ADARB2: variants seen among roughly 807,000 people sequenced by gnomAD.
ADARB2 encodes inactive double-stranded RNA-specific editase B2.
Under a neutral mutation model 62.2 loss-of-function variants are expected in ADARB2, and 25 were observed. The ratio of observed to expected loss-of-function variants is 0.40; its 90% CI spans 0.29 to 0.56. The LOEUF (loss-of-function observed/expected upper bound fraction) is 0.56, where lower values mean the gene tolerates loss of function less well. ADARB2 is among the 20% of genes least tolerant of loss of function. The pLI, the probability that ADARB2 is intolerant of heterozygous loss-of-function variation, is 0.43. For missense variants in ADARB2, 1,071 were observed against 1,077.4 expected, an observed-to-expected ratio of 0.99 and a Z score of 0.08; for synonymous variants, 572 against 500.8, an observed-to-expected ratio of 1.14 and a Z score of -1.90.
intron 1 of ADARB2, among the ~76,000 whole-genome samples, chr10:1,531,753 C>T (rs1832243739): frequency 6.6e-6 from 1 of 152,156 alleles, no homozygotes; most frequent in Non-Finnish European, 1.5e-5. Context: ...AGGAGAATCA[C>T]TTGAACCCCG....
intron 8 of ADARB2, among the ~76,000 whole-genome samples, chr10:1,185,634 C>A (rs1296446400): frequency 2.0e-5 from 3 of 152,184 alleles, no homozygotes; most frequent in Admixed American, 6.5e-5. Context: ...GCCTTTTGTT[C>A]GAAAGTTACG....
At chr10:1,480,475 G>C (rs1831453004) in intron 1 of ADARB2, among the ~76,000 whole-genome samples, 2 of 152,150 alleles carry the variant, frequency 1.3e-5, no homozygotes, top group Admixed American at 6.5e-5. Context: ...AAGGCGGGCG[G>C]GTCACTAGGT....
intron 3 of ADARB2, among the ~76,000 whole-genome samples, chr10:1,285,711 C>T (rs1831406937): frequency 6.6e-6 from 1 of 152,190 alleles, no homozygotes; most frequent in Non-Finnish European, 1.5e-5. Context: ...GGCAAATTAC[C>T]AGCATTATTC....
At chr10:1,419,189 G>T (rs1400769064) in intron 1 of ADARB2, among the ~76,000 whole-genome samples, 1 of 152,118 alleles carries the variant, frequency 6.6e-6, no homozygotes, top group Non-Finnish European at 1.5e-5. Context: ...CACCTCCCAG[G>T]TTCAAGTGAT....
chr10:1,419,699 T>C (rs1186534117), intron 1 of ADARB2, among the ~76,000 whole-genome samples: 1 of 152,238 alleles, frequency 6.6e-6, no homozygotes, highest in East Asian at 1.9e-4. Context: ...CAGAATGAAT[T>C]ATATCGTCCA....
chr10:1,429,082 C>T (rs1830751382), intron 1 of ADARB2, among the ~76,000 whole-genome samples: 1 of 151,996 alleles, frequency 6.6e-6, no homozygotes, highest in Non-Finnish European at 1.5e-5. Flanking sequence ...GCACCAGTGT[C>T]TATATTCTGG....
At chr10:1,391,725 A>G (rs1642026117) in intron 1 of ADARB2, among the ~76,000 whole-genome samples, 1 of 151,746 alleles carries the variant, frequency 6.6e-6, no homozygotes, top group African/African-American at 2.4e-5. Flanking sequence ...TTCAATAAAA[A>G]TGATAATAAA....
intron 1 of ADARB2, among the ~76,000 whole-genome samples, chr10:1,429,869 G>A (rs576098533): frequency 4.0e-5 from 6 of 151,302 alleles, no homozygotes; most frequent in Middle Eastern, 3.4e-3. Flanking sequence ...TTCCTCCCCT[G>A]TCTTACTCCT....
intron 6 of ADARB2, among the ~76,000 whole-genome samples, chr10:1,225,273 A>C (rs1340106354): frequency 1.3e-5 from 2 of 152,044 alleles, no homozygotes; most frequent in Non-Finnish European, 2.9e-5. Flanking sequence ...TGCTTGGTAG[A>C]TCTTCCTCCA....
chr10:1,415,651 T>C (rs1346968931), intron 1 of ADARB2, among the ~76,000 whole-genome samples: 1 of 152,242 alleles, frequency 6.6e-6, no homozygotes, highest in Non-Finnish European at 1.5e-5. Flanking sequence ...GTCAATTCTA[T>C]GCAAATAAGA....
chr10:1,395,533 C>T (rs1213170364), intron 1 of ADARB2, among the ~76,000 whole-genome samples: 1 of 152,220 alleles, frequency 6.6e-6, no homozygotes, highest in Non-Finnish European at 1.5e-5. Context: ...AGTGATGGGC[C>T]GCCAGGCACT....
rs1417838626 is a variant in ADARB2 at position 1,737,037 on chromosome 10, C to T, written c.100+14G>A. The T allele has an allele frequency of 6.2e-7, 1 of 1,609,118 alleles. No homozygotes were observed. The highest frequency in any genetic ancestry group is 8.5e-7 in the Non-Finnish European group (1 of 1,179,814). On this transcript the variant is annotated intron_variant, in intron 1 of 9. Coordinates refer to ENST00000381312, the MANE Select transcript of ADARB2 (RefSeq NM_018702.4). Reference sequence around the variant, plus strand: ...TGAAGGGGGGCAGGGGCCGGCGCGCCACGCGGTCCTTACCTTTCCGCTTGG... The same window carrying T: ...TGAAGGGGGGCAGGGGCCGGCGCGCTACGCGGTCCTTACCTTTCCGCTTGG...
chr10:1,503,094 G>C (rs1831785503), intron 1 of ADARB2, among the ~76,000 whole-genome samples: 1 of 152,166 alleles, frequency 6.6e-6, no homozygotes, highest in South Asian at 2.1e-4. Context: ...GAATACAGCA[G>C]CTATCTCCAC....
chr10:1,642,372 G>A (rs1488042337), intron 1 of ADARB2, among the ~76,000 whole-genome samples: 3 of 152,160 alleles, frequency 2.0e-5, no homozygotes, highest in African/African-American at 7.2e-5. Flanking sequence ...AGGGATGCAG[G>A]CACTTCAGTT....
At chr10:1,625,681 A>G (rs544306437) in intron 1 of ADARB2, among the ~76,000 whole-genome samples, 1 of 152,278 alleles carries the variant, frequency 6.6e-6, no homozygotes, top group East Asian at 1.9e-4. Flanking sequence ...TCCACTGACC[A>G]TCAGACAGCA....
In ADARB2 at chr10:1,463,519, A is replaced by C. The variant is rs143049079; in HGVS notation, c.101-84359T>G. Among the ~76,000 whole-genome samples, 1,442 of 152,304 alleles carry C rather than the reference A, an allele frequency of 9.5e-3. 21 individuals carry two copies. Among genetic ancestry groups the C allele is most frequent in the African/African-American group, 0.033 (1,371 of 41,552 alleles). On this transcript the variant is annotated intron_variant, in intron 1 of 9. Coordinates refer to ENST00000381312, the MANE Select transcript of ADARB2 (RefSeq NM_018702.4). ...TAAGAAGCGCGCGTATTCATCTCAG[A>C]ATGAGAGTCTATTTACGTCTCATAA...
chr10:1,200,235 G>A, intron 7 of ADARB2, 88 bp from the exon 8 acceptor site: 5 of 1,518,328 alleles, frequency 3.3e-6, no homozygotes, highest in Non-Finnish European at 4.5e-6. Flanking sequence ...TGGTCCTGAG[G>A]ACCTGTCAGT....
At chr10:1,553,914 G>C (rs1832664423) in intron 1 of ADARB2, among the ~76,000 whole-genome samples, 1 of 152,152 alleles carries the variant, frequency 6.6e-6, no homozygotes, top group East Asian at 1.9e-4. Flanking sequence ...ACTTAGAACC[G>C]GTAGAATTCT....
chr10:1,641,894 TC>T (rs1178066134), intron 1 of ADARB2, among the ~76,000 whole-genome samples: 15 of 152,000 alleles, frequency 9.9e-5, no homozygotes, highest in African/African-American at 3.4e-4. Flanking sequence ...GCGCCTGTAA[TC>T]CCAGCTACCT....
Sources: gnomAD v4.1 joint callset for allele counts (sites outside exome capture counted in the v4.1 genomes callset) on GRCh38, gnomAD v4.1.1 for gene constraint, MANE v1.5 for transcripts, NCBI Gene and HGNC (gene_info 2026-07-23, HGNC 2026-07-21) for gene names.